DOCK4: variants seen among roughly 807,000 people sequenced by gnomAD.
The protein encoded by DOCK4 is dedicator of cytokinesis 4.
Under a neutral mutation model 268.1 loss-of-function variants are expected in DOCK4, and 97 were observed. The observed-to-expected ratio is 0.36, with a 90% CI of 0.31 to 0.43. The LOEUF (loss-of-function observed/expected upper bound fraction) is 0.43, where lower values mean the gene tolerates loss of function less well. Among genes scored for constraint, DOCK4 ranks in the 20% least tolerant of loss-of-function variants. The probability of loss-of-function intolerance (pLI) is 1.00; values close to 1 mark genes in which losing one functional copy is unlikely to be tolerated. For missense variants in DOCK4, 2,145 were observed against 2,455.7 expected (o/e 0.87, Z 2.67); for synonymous variants, 954 against 887.2 (o/e 1.08, Z -1.34).
At chr7:112,201,790 TC>T (rs1820959146) in intron 1 of DOCK4, among the ~76,000 whole-genome samples, 1 of 152,088 alleles carries the variant, frequency 6.6e-6, no homozygotes, top group Non-Finnish European at 1.5e-5. Flanking sequence ...TAAAGCATGT[TC>T]CCCCTGTCTC....
intron 42 of DOCK4, among the ~76,000 whole-genome samples, chr7:111,755,083 G>A (rs1027502273): frequency 6.6e-6 from 1 of 152,100 alleles, no homozygotes; most frequent in African/African-American, 2.4e-5. Flanking sequence ...TTTGGCAAAG[G>A]CTTTTGACCT....
intron 23 of DOCK4, among the ~76,000 whole-genome samples, chr7:111,859,615 T>G (rs1014664019): frequency 1.4e-5 from 2 of 143,094 alleles, no homozygotes; most frequent in South Asian, 2.3e-4. Flanking sequence ...TCGCCCAGGC[T>G]GGAGTGCAGT....
chr7:112,070,701 T>A (rs1236521322), intron 1 of DOCK4, among the ~76,000 whole-genome samples: 1 of 151,954 alleles, frequency 6.6e-6, no homozygotes, highest in African/African-American at 2.4e-5. Flanking sequence ...AACTATAAAA[T>A]TAAAAATAAA....
chr7:112,061,014 G>A (rs1806338567), intron 1 of DOCK4, among the ~76,000 whole-genome samples: 1 of 152,128 alleles, frequency 6.6e-6, no homozygotes, highest in Non-Finnish European at 1.5e-5. Context: ...AGATGTATTT[G>A]AGATAACTTA....
At chr7:111,988,710 G>C (rs1198352327) in intron 6 of DOCK4, among the ~76,000 whole-genome samples, 1 of 152,146 alleles carries the variant, frequency 6.6e-6, no homozygotes, top group Non-Finnish European at 1.5e-5. Flanking sequence ...TTGAGAACAA[G>C]ATCCATTTTA....
chr7:111,750,365 A>G (rs1426924235), intron 42 of DOCK4, among the ~76,000 whole-genome samples: 2 of 152,240 alleles, frequency 1.3e-5, no homozygotes, highest in Non-Finnish European at 2.9e-5. Context: ...AGAATGCCCT[A>G]AAGTCCCCAG....
In DOCK4 at chr7:111,760,175, G is replaced by A. The variant is rs375442106; in HGVS notation, c.4162+6C>T. On this transcript the variant is annotated splice_donor_region_variant and intron_variant, in intron 40 of 52. Transcript: ENST00000428084. ...CACTGAGTCCAGCCCTTGTAGGTGC[G>A]GATACACTGAGCTTCTGCCTGGAAG... is the stretch of plus-strand genomic sequence containing the variant. 11 of 1,613,830 alleles carry A rather than the reference G, an allele frequency of 6.8e-6. No homozygotes were observed. Among genetic ancestry groups the A allele is most frequent in the South Asian group, 3.3e-5 (3 of 91,064 alleles).
At chr7:111,803,789 G>C (rs1286997643) in intron 30 of DOCK4, among the ~76,000 whole-genome samples, 1 of 152,100 alleles carries the variant, frequency 6.6e-6, no homozygotes, top group Non-Finnish European at 1.5e-5. Context: ...CTTCAACTTA[G>C]AAAATGAAAA....
At chr7:111,843,972 C>G (rs1803892669) in intron 25 of DOCK4, among the ~76,000 whole-genome samples, 1 of 152,086 alleles carries the variant, frequency 6.6e-6, no homozygotes, top group Non-Finnish European at 1.5e-5. Context: ...CTTCAAAGCA[C>G]TTTAAAATTT....
rs374283848 is a variant in DOCK4, at chr7:111,933,644, G to C, written c.1066+1896C>G. Among the ~76,000 whole-genome samples, 18 of 152,140 alleles carry C rather than the reference G, an allele frequency of 1.2e-4. 1 individual carries two copies. In the East Asian group the frequency reaches 3.1e-3, roughly 26 times the overall value. On this transcript the variant is annotated intron_variant, in intron 12 of 52. Transcript: ENST00000428084. Reference sequence around the variant, plus strand: ...AAAGAGAAGACAAGCATACATAGTAGTTCCATGTTGTATTTCATTTCTCCT... The same window carrying C: ...AAAGAGAAGACAAGCATACATAGTACTTCCATGTTGTATTTCATTTCTCCT...
chr7:112,149,694 T>C (rs1815873707), intron 1 of DOCK4, among the ~76,000 whole-genome samples: 1 of 152,210 alleles, frequency 6.6e-6, no homozygotes, highest in South Asian at 2.1e-4. Context: ...CCAGGAGATA[T>C]GATTTCTAGT....
chr7:111,784,162 G>A, intron 32 of DOCK4, 39 bp from the exon 33 acceptor site: 1 of 1,549,010 alleles, frequency 6.5e-7, no homozygotes, highest in Non-Finnish European at 8.7e-7. Flanking sequence ...TTGATTTTCA[G>A]ATTATCCAAG....
chr7:111,989,625 T>C (rs1467370340), intron 5 of DOCK4, among the ~76,000 whole-genome samples: 4 of 152,234 alleles, frequency 2.6e-5, no homozygotes, highest in Admixed American at 1.3e-4. Flanking sequence ...CTCAATACTT[T>C]ATTGGATCCC....
At chr7:112,040,170 C>T (rs534980717) in intron 1 of DOCK4, among the ~76,000 whole-genome samples, 4 of 152,178 alleles carry the variant, frequency 2.6e-5, no homozygotes, top group South Asian at 4.1e-4. Flanking sequence ...GGAAATTCTT[C>T]AACAAGATTC....
chr7:112,160,054 C>A (rs1160600514), intron 1 of DOCK4, among the ~76,000 whole-genome samples: 1 of 151,864 alleles, frequency 6.6e-6, no homozygotes. Context: ...AAATATAATG[C>A]AAATATTTAA....
chr7:112,160,459 C>A (rs977153163), intron 1 of DOCK4, among the ~76,000 whole-genome samples: 8 of 152,128 alleles, frequency 5.3e-5, no homozygotes, highest in Non-Finnish European at 1.2e-4. Flanking sequence ...ATTCTTGGGG[C>A]AAATTTTCCC....
chr7:111,944,974 C>G, intron 9 of DOCK4, 103 bp from the exon 10 acceptor site: 6 of 879,750 alleles, frequency 6.8e-6, no homozygotes, highest in Non-Finnish European at 1.1e-5. Flanking sequence ...TGGACACAGA[C>G]ATTCTTAATG....
intron 7 of DOCK4, among the ~76,000 whole-genome samples, chr7:111,983,520 T>G (rs980242237): frequency 6.6e-6 from 1 of 152,124 alleles, no homozygotes; most frequent in African/African-American, 2.4e-5. Flanking sequence ...CAGAACTTAG[T>G]TAATATCAAG....
chr7:111,758,801 A>G lies in DOCK4; in HGVS notation c.4163-11T>C. Reference sequence around the variant, plus strand: ...CATATATCTGCAAATCTAGGATTCAAGAGTCAAGGAGAGAACCTGACTTGG... The same window carrying G: ...CATATATCTGCAAATCTAGGATTCAGGAGTCAAGGAGAGAACCTGACTTGG... On this transcript the variant is annotated splice_polypyrimidine_tract_variant and intron_variant, in intron 40 of 52. Transcript: ENST00000428084. 1 of 1,612,938 alleles carries G rather than the reference A, an allele frequency of 6.2e-7. No individual in the cohort carries two copies. The highest frequency in any genetic ancestry group is 8.5e-7 in the Non-Finnish European group (1 of 1,179,396).
Sources: gnomAD v4.1 joint callset for allele counts (sites outside exome capture counted in the v4.1 genomes callset) on GRCh38, gnomAD v4.1.1 for gene constraint, MANE v1.5 for transcripts, NCBI Gene and HGNC (gene_info 2026-07-23, HGNC 2026-07-21) for gene names.